Variants in ZFAND3 observed in about 807,000 individuals in gnomAD.
The protein encoded by ZFAND3 is zinc finger AN1-type containing 3.
In ZFAND3, 10 loss-of-function variants were observed where a neutral mutation model predicts 29.6. That is an observed-to-expected ratio of 0.34 (90% CI 0.21 to 0.57). The LOEUF is 0.57. Among genes scored for constraint, ZFAND3 ranks in the 20% least tolerant of loss-of-function variants. The probability of loss-of-function intolerance (pLI) is 0.86; values close to 1 mark genes in which losing one functional copy is unlikely to be tolerated. For synonymous variants in ZFAND3, 128 were observed against 112.6 expected (o/e 1.14, Z -0.87); for missense variants, 230 against 304.5 (o/e 0.76, Z 1.82).
chr6:37,838,843 A>G (rs1764017350), intron 1 of ZFAND3, among the ~76,000 whole-genome samples: 1 of 152,126 alleles, frequency 6.6e-6, no homozygotes, highest in South Asian at 2.1e-4. Flanking sequence ...CTAGGAGGGG[A>G]ATTTCGGGAT....
chr6:38,050,669 A>G (rs1290547318), intron 2 of ZFAND3, among the ~76,000 whole-genome samples: 2 of 152,148 alleles, frequency 1.3e-5, no homozygotes, highest in Admixed American at 6.5e-5. Context: ...CTGTGAGTCA[A>G]TTAAACCTCT....
intron 4 of ZFAND3, among the ~76,000 whole-genome samples, chr6:38,090,106 G>A (rs755574704): frequency 5.1e-4 from 78 of 152,164 alleles, no homozygotes; most frequent in Admixed American, 1.4e-3. Flanking sequence ...GCCCACCTTG[G>A]CCTCCCAAAG....
At position 38,152,840 on chromosome 6, in the gene ZFAND3, G is replaced by A; in HGVS notation, c.*451G>A. ...CCTTTCACCTCTTCACTTATCCTTA[G>A]TCCCAGTAGCCAGGATACCTGATGG... On this transcript the variant is annotated 3_prime_UTR_variant, in exon 6 of 6. Coordinates refer to ENST00000287218, the MANE Select transcript of ZFAND3 (RefSeq NM_021943.3). 1.0e-6 allele frequency: 1 copy of A among 986,156 alleles called. No individual in the cohort carries two copies. Among genetic ancestry groups the A allele is most frequent in the South Asian group, 4.7e-5 (1 of 21,294 alleles). The allele number at this position is 986,156 out of a possible 1,614,324, so 61.1% of individuals were successfully genotyped here.
At chr6:38,006,594 C>T (rs771001822) in intron 2 of ZFAND3, among the ~76,000 whole-genome samples, 1 of 151,378 alleles carries the variant, frequency 6.6e-6, no homozygotes, top group Non-Finnish European at 1.5e-5. Context: ...CATCTACATC[C>T]TTCTCAGAAA....
chr6:37,871,583 A>G (rs1764696110), intron 1 of ZFAND3, among the ~76,000 whole-genome samples: 1 of 152,226 alleles, frequency 6.6e-6, no homozygotes, highest in Non-Finnish European at 1.5e-5. Flanking sequence ...TATTGTATCA[A>G]CATTAATTTC....
intron 1 of ZFAND3, among the ~76,000 whole-genome samples, chr6:37,901,221 A>C (rs2127400823): frequency 6.6e-6 from 1 of 152,294 alleles, no homozygotes; most frequent in Non-Finnish European, 1.5e-5. Context: ...GTATATTCCT[A>C]CCGATAGCAT....
chr6:37,820,111 C>T (rs1763634301), intron 1 of ZFAND3, 95 bp downstream of exon 1: 6 of 705,418 alleles, frequency 8.5e-6, no homozygotes, highest in Non-Finnish European at 1.0e-5. Context: ...AGGCCGGAAC[C>T]TTGGAGGCTG....
chr6:38,144,083 G>T (rs992254499), intron 5 of ZFAND3, among the ~76,000 whole-genome samples: 1 of 150,180 alleles, frequency 6.7e-6, no homozygotes, highest in Non-Finnish European at 1.5e-5. Context: ...GTAACCACCT[G>T]CTGTTCCCAA....
rs757079337 is a variant in ZFAND3, at chr6:38,116,592, G to GCTT, written c.384_386dup (p.Ser129dup). ...GTCAGATTCACAGTCTGAGAATGAG[G>GCTT]CTTCACCAGTAAAACGGCCACGACT... On this transcript the variant is annotated inframe_insertion, in exon 5 of 6. Coordinates refer to ENST00000287218, the MANE Select transcript of ZFAND3 (RefSeq NM_021943.3). The GCTT allele has an allele frequency of 1.7e-5, 28 of 1,613,134 alleles. No homozygotes were observed. Among genetic ancestry groups the GCTT allele is most frequent in the Middle Eastern group, 1.6e-4 (1 of 6,080 alleles).
Position 38,116,720 on chromosome 6 carries a change from A to G in ZFAND3, c.510A>G (p.Glu170=), listed in dbSNP as rs750005876. ...CQTKLELVQQ[E]LGSCRCGYVF... Reference sequence around the variant, plus strand: ...CCAAACTGGAGCTGGTGCAGCAGGAATTGGGATCGTGTCGCTGCGGTAAGC... The same window carrying G: ...CCAAACTGGAGCTGGTGCAGCAGGAGTTGGGATCGTGTCGCTGCGGTAAGC... The change falls in exon 5 of 6, where the codon GAA becomes GAG. Residue 170 remains glutamate (E), a synonymous_variant. Transcript: ENST00000287218. 3 of 1,614,050 alleles carry G rather than the reference A, an allele frequency of 1.9e-6. No homozygotes were observed. Among genetic ancestry groups the G allele is most frequent in the Non-Finnish European group, 2.5e-6 (3 of 1,179,932 alleles).
At chr6:38,106,788 CA>C (rs1340397574) in intron 4 of ZFAND3, among the ~76,000 whole-genome samples, 1 of 152,122 alleles carries the variant, frequency 6.6e-6, no homozygotes, top group Non-Finnish European at 1.5e-5. Context: ...TTTGTTACTT[CA>C]AAGCCCAATG....
rs1766051946 is a variant in ZFAND3, at chr6:38,144,227, A to ATTTTT, written c.530-8007_530-8006insTTTTT. 5.0e-5 allele frequency among the ~76,000 whole-genome samples: 4 copies of ATTTTT among 80,132 alleles called. No homozygotes were observed. In the East Asian group the frequency reaches 1.1e-3, roughly 22 times the overall value. The allele number at this position is 80,132 out of a possible 152,430, so 52.6% of individuals were successfully genotyped here. On this transcript the variant is annotated intron_variant, in intron 5 of 5. Coordinates refer to ENST00000287218, the MANE Select transcript of ZFAND3 (RefSeq NM_021943.3). Reference sequence around the variant, plus strand: ...TATATATATAATATATAATATATATATATATTTTTTTTTTAATAAGGTTGC... The same window carrying ATTTTT: ...TATATATATAATATATAATATATATATTTTTTATATTTTTTTTTTAATAAGGTTGC...
At chr6:38,134,657 G>A (rs1765806610) in intron 5 of ZFAND3, among the ~76,000 whole-genome samples, 1 of 152,176 alleles carries the variant, frequency 6.6e-6, no homozygotes, top group Non-Finnish European at 1.5e-5. Flanking sequence ...GAGAAGATCA[G>A]TATCAATGAA....
At position 37,976,540 on chromosome 6, in the gene ZFAND3, C is replaced by T. The variant is rs768604304; in HGVS notation, c.112+46541C>T. 4.8e-5 allele frequency among the ~76,000 whole-genome samples: 7 copies of T among 145,240 alleles called. No individual in the cohort carries two copies. The South Asian group carries it at 6.5e-4, about 14-fold the overall frequency. ...TAGAGGTTGCAGTGAGCCGAGATTG[C>T]GCCACTGCACTCCAGCCTGTGTAAC... is the stretch of plus-strand genomic sequence containing the variant. On this transcript the variant is annotated intron_variant, in intron 2 of 5. Coordinates refer to ENST00000287218, the MANE Select transcript of ZFAND3 (RefSeq NM_021943.3).
chr6:37,841,664 T>C (rs1401385690), intron 1 of ZFAND3, among the ~76,000 whole-genome samples: 3 of 152,140 alleles, frequency 2.0e-5, no homozygotes, highest in African/African-American at 7.2e-5. Context: ...TTTGTATTTT[T>C]ATTAGAGACG....
At chr6:37,831,681 C>G (rs1034979884) in intron 1 of ZFAND3, among the ~76,000 whole-genome samples, 3 of 152,122 alleles carry the variant, frequency 2.0e-5, no homozygotes, top group African/African-American at 7.2e-5. Context: ...AAGTTAACCA[C>G]ATGAAGATGG....
chr6:38,054,056 G>A (rs1764085333), intron 2 of ZFAND3, among the ~76,000 whole-genome samples: 1 of 151,610 alleles, frequency 6.6e-6, no homozygotes, highest in South Asian at 2.1e-4. Context: ...GTGTGTGTGT[G>A]TATATTGTAT....
At chr6:37,893,912 C>T (rs1451863679) in intron 1 of ZFAND3, among the ~76,000 whole-genome samples, 1 of 152,068 alleles carries the variant, frequency 6.6e-6, no homozygotes, top group African/African-American at 2.4e-5. Context: ...ACTTTCACTT[C>T]TCCATATGTT....
At chr6:37,920,333 A>G (rs1331300161) in intron 1 of ZFAND3, among the ~76,000 whole-genome samples, 1 of 149,908 alleles carries the variant, frequency 6.7e-6, no homozygotes, top group Non-Finnish European at 1.5e-5. Flanking sequence ...CTCCTTTTCT[A>G]CAGGGGCTTT....
Sources: allele counts gnomAD v4.1 joint callset (sites outside exome capture counted in the v4.1 genomes callset), GRCh38; gene constraint gnomAD v4.1.1; transcripts MANE v1.5; gene names NCBI Gene and HGNC (gene_info 2026-07-23, HGNC 2026-07-21).